The following PCDH15 variants were observed in gnomAD, a reference collection of about 807,000 sequenced individuals.
PCDH15 encodes the protein protocadherin related 15.
Under a neutral mutation model 178.5 loss-of-function variants are expected in PCDH15, and 129 were observed. The observed-to-expected ratio is 0.72, with a 90% CI of 0.63 to 0.84. The LOEUF (loss-of-function observed/expected upper bound fraction) is 0.84, where lower values mean the gene tolerates loss of function less well. PCDH15 is among the 40% of genes least tolerant of loss of function. PCDH15 has a pLI of 0.00. For synonymous variants in PCDH15, 800 were observed against 732.0 expected, an observed-to-expected ratio of 1.09 and a Z score of -1.50; for missense variants, 2,230 against 2,099.9, an observed-to-expected ratio of 1.06 and a Z score of -1.21.
chr10:55,182,359 C>A (rs951257878), intron 1 of PCDH15, among the ~76,000 whole-genome samples: 4 of 151,948 alleles, frequency 2.6e-5, no homozygotes, highest in Non-Finnish European at 5.9e-5. Context: ...TCTCTTACCA[C>A]CTAAACAAAC....
At chr10:54,045,503 T>G (rs2093636711) in intron 18 of PCDH15, among the ~76,000 whole-genome samples, 1 of 152,040 alleles carries the variant, frequency 6.6e-6, no homozygotes, top group Non-Finnish European at 1.5e-5. Flanking sequence ...GTATGTAAAA[T>G]CACTATAATT....
intron 2 of PCDH15, among the ~76,000 whole-genome samples, chr10:54,946,838 G>A (rs1838211044): frequency 6.6e-6 from 1 of 151,748 alleles, no homozygotes. Context: ...AATTCCTTGT[G>A]CTCCTCTAAT....
chr10:54,958,630 A>G (rs1288912526), intron 2 of PCDH15, among the ~76,000 whole-genome samples: 2 of 151,826 alleles, frequency 1.3e-5, no homozygotes, highest in East Asian at 3.9e-4. Context: ...ATATCACCTC[A>G]GAATTTAAAA....
chr10:54,477,675 C>T (rs2078373632), intron 3 of PCDH15, among the ~76,000 whole-genome samples: 1 of 152,206 alleles, frequency 6.6e-6, no homozygotes, highest in Non-Finnish European at 1.5e-5. Context: ...TGGCTCACTG[C>T]AGCCTTCGAC....
chr10:55,458,053 G>C (rs922564480), intron 2 of PCDH15, among the ~76,000 whole-genome samples: 1 of 151,980 alleles, frequency 6.6e-6, no homozygotes, highest in Admixed American at 6.6e-5. Flanking sequence ...GGAAATATTA[G>C]ATAATATATA....
At chr10:54,556,732 T>G (rs915807328) in intron 2 of PCDH15, among the ~76,000 whole-genome samples, 2 of 151,298 alleles carry the variant, frequency 1.3e-5, no homozygotes, top group African/African-American at 4.9e-5. Flanking sequence ...AGAGATTTCA[T>G]AGGTTATTAC....
intron 18 of PCDH15, among the ~76,000 whole-genome samples, chr10:54,062,759 A>G (rs2094056609): frequency 7.3e-6 from 1 of 137,712 alleles, no homozygotes; most frequent in African/African-American, 2.8e-5. Context: ...ACAAAGAATC[A>G]CTAGGAAAAG....
intron 8 of PCDH15, among the ~76,000 whole-genome samples, chr10:54,250,361 C>A (rs949277906): frequency 6.8e-6 from 1 of 146,970 alleles, no homozygotes; most frequent in African/African-American, 2.5e-5. Flanking sequence ...CGGCTCACTG[C>A]AAGCTCTGCC....
At chr10:54,848,287 G>C (rs1564565672) in intron 3 of PCDH15, among the ~76,000 whole-genome samples, 1 of 151,278 alleles carries the variant, frequency 6.6e-6, no homozygotes, top group Non-Finnish European at 1.5e-5. Flanking sequence ...GGAGGCTGAG[G>C]CAGGAGAATC....
chr10:54,299,700 A>G (rs938435319), intron 8 of PCDH15, among the ~76,000 whole-genome samples: 3 of 152,192 alleles, frequency 2.0e-5, no homozygotes, highest in Non-Finnish European at 2.9e-5. Context: ...CCAGGCAGTT[A>G]AGGGAAAAAG....
chr10:55,529,431 G>A (rs1323198559), intron 2 of PCDH15, among the ~76,000 whole-genome samples: 1 of 151,774 alleles, frequency 6.6e-6, no homozygotes, highest in African/African-American at 2.4e-5. Context: ...GCTCAGGCTA[G>A]ACTTGAATTC....
chr10:55,375,072 G>A (rs749918703), intron 2 of PCDH15, among the ~76,000 whole-genome samples: 13 of 152,098 alleles, frequency 8.5e-5, no homozygotes, highest in Non-Finnish European at 1.3e-4. Context: ...CATATATGTT[G>A]TGTTAGCTAT....
At chr10:54,558,520 A>T (rs1452398508) in intron 2 of PCDH15, among the ~76,000 whole-genome samples, 3 of 152,054 alleles carry the variant, frequency 2.0e-5, no homozygotes, top group Non-Finnish European at 4.4e-5. Flanking sequence ...TCACTTTACC[A>T]CAATCCCCAC....
At chr10:55,360,902 C>T (rs1265007629) in intron 2 of PCDH15, among the ~76,000 whole-genome samples, 1 of 151,888 alleles carries the variant, frequency 6.6e-6, no homozygotes, top group Non-Finnish European at 1.5e-5. Context: ...TTCATAGAAT[C>T]ACTTCAAAAT....
chr10:55,486,952 T>G (rs532658744), intron 2 of PCDH15, among the ~76,000 whole-genome samples: 1 of 151,694 alleles, frequency 6.6e-6, no homozygotes, highest in African/African-American at 2.4e-5. Flanking sequence ...ACTTCAACAT[T>G]TCCACAAAAT....
chr10:54,894,801 T>G (rs1954520022), intron 3 of PCDH15, among the ~76,000 whole-genome samples: 1 of 152,166 alleles, frequency 6.6e-6, no homozygotes, highest in African/African-American at 2.4e-5. Flanking sequence ...TAATGTCCTT[T>G]GGGCCTGTAT....
At chr10:54,937,482 T>A (rs1461145092) in intron 2 of PCDH15, among the ~76,000 whole-genome samples, 1 of 152,008 alleles carries the variant, frequency 6.6e-6, no homozygotes, top group African/African-American at 2.4e-5. Context: ...ATATTTTATT[T>A]AATTTTTTAA....
chr10:54,439,526 A>G (rs2075661921), intron 3 of PCDH15, among the ~76,000 whole-genome samples: 2 of 152,058 alleles, frequency 1.3e-5, no homozygotes. Context: ...CTGACTAATA[A>G]TTCTATTTAT....
intron 3 of PCDH15, among the ~76,000 whole-genome samples, chr10:54,825,735 CT>C (rs2133745568): frequency 6.6e-6 from 1 of 152,104 alleles, no homozygotes; most frequent in African/African-American, 2.4e-5. Flanking sequence ...TTTAAAAAGC[CT>C]ACTTTTACAA....
Sources: allele counts gnomAD v4.1 joint callset (sites outside exome capture counted in the v4.1 genomes callset), GRCh38; gene constraint gnomAD v4.1.1; transcripts MANE v1.5; gene names NCBI Gene and HGNC (gene_info 2026-07-23, HGNC 2026-07-21).